The following SMARCA4 variants were observed in gnomAD, a reference collection of about 807,000 sequenced individuals.
SMARCA4 encodes the protein SWI/SNF related BAF chromatin remodeling complex subunit ATPase 4.
Under a neutral mutation model 193.9 loss-of-function variants are expected in SMARCA4, and 31 were observed. That is an observed-to-expected ratio of 0.16 (90% CI 0.12 to 0.22). The LOEUF is 0.22. Ranked by LOEUF, SMARCA4 falls within the 10% of genes least tolerant of loss-of-function variation. The pLI, the probability that SMARCA4 is intolerant of heterozygous loss-of-function variation, is 1.00. For missense variants in SMARCA4, 1,148 were observed against 2,296.0 expected (o/e 0.50, Z 10.22); for synonymous variants, 942 against 933.1 (o/e 1.01, Z -0.17).
intron 30 of SMARCA4, among the ~76,000 whole-genome samples, chr19:11,045,823 C>T (rs1045589930): frequency 2.6e-5 from 4 of 152,150 alleles, no homozygotes; most frequent in Admixed American, 2.0e-4. Context: ...GTGGCTCACG[C>T]CCATAATCCC....
rs2076649858 is a variant in SMARCA4 at position 11,058,154 on chromosome 19, G to A, written c.4425-101G>A. On this transcript the variant is annotated intron_variant, in intron 30 of 34. Coordinates refer to ENST00000344626, the MANE Select transcript of SMARCA4 (RefSeq NM_003072.5). This position sits in a 1 kb window ranked among gnomAD's most constrained non-coding sequence, Gnocchi z 5.8. Reference sequence around the variant, plus strand: ...CAAGAAATAGCTCCTGAGCTGAGTTGGAATTTCTCATCCTTAAACAATGTG... The same window carrying A: ...CAAGAAATAGCTCCTGAGCTGAGTTAGAATTTCTCATCCTTAAACAATGTG... 5 of 780,324 alleles carry A rather than the reference G, an allele frequency of 6.4e-6. No homozygotes were observed. The Admixed American group carries it at 9.0e-5, about 14-fold the overall frequency. 48.3% of individuals were successfully genotyped at this position (780,324 alleles called of 1,614,324 possible).
At chr19:11,005,191 C>T (rs2088079099) in intron 13 of SMARCA4, among the ~76,000 whole-genome samples, 1 of 151,778 alleles carries the variant, frequency 6.6e-6, no homozygotes, top group Non-Finnish European at 1.5e-5. Context: ...TTTAGCTACC[C>T]TGGAGTCTGA....
intron 16 of SMARCA4, chr19:11,016,014 A>C (rs1166836435): frequency 6.6e-6 from 1 of 152,030 alleles, no homozygotes; most frequent in Non-Finnish European, 1.5e-5. Flanking sequence ...GCCTTCTCAA[A>C]AAAAAAAAGA....
chr19:11,058,792 G>T lies in SMARCA4; in HGVS notation c.4538G>T (p.Arg1513Leu). ...KPVDFKKIKE[R>L]IRNHKYRSLN... ...TGCTCCTCCCGTCCACTGCAGGAGC[G>T]CATTCGCAACCACAAGTACCGCAGC... is the stretch of plus-strand genomic sequence containing the variant. The change falls in exon 32 of 35, where the codon CGC (arginine) becomes CTC (leucine). Residue 1513 changes from arginine to leucine, a missense_variant. This residue lies in a region of SMARCA4 where 141 missense variants were observed against 193.0 expected (regional missense o/e 0.73). Transcript: ENST00000344626. This position sits in a 1 kb window ranked among gnomAD's most constrained non-coding sequence, Gnocchi z 5.8. 1 of 1,613,804 alleles carries T rather than the reference G, an allele frequency of 6.2e-7. No homozygotes were observed. The highest frequency in any genetic ancestry group is 8.5e-7 in the Non-Finnish European group (1 of 1,179,798).
intron 8 of SMARCA4, among the ~76,000 whole-genome samples, chr19:10,991,546 G>A (rs1434292112): frequency 2.6e-5 from 4 of 152,246 alleles, no homozygotes; most frequent in African/African-American, 9.6e-5. Context: ...TCTGGAAGGT[G>A]ATAGGGCACA....
rs878854196 is a variant in SMARCA4 at position 10,987,830 on chromosome 19, A to G, written c.1024A>G (p.Met342Val). The G allele has an allele frequency of 5.6e-6, 9 of 1,609,648 alleles. No individual in the cohort carries two copies. Among genetic ancestry groups the G allele is most frequent in the African/African-American group, 1.3e-5 (1 of 74,622 alleles). ...SPGQPAQPAPMVPLHQKQSRI... is the reference protein window; with the variant it reads ...SPGQPAQPAPVVPLHQKQSRI... ...CGGGCAGCCGGCCCAGCCCGCGCCC[A>G]TGGTGCCACTGCACCAGAAGCAGAG... The change falls in exon 6 of 35, where the codon ATG (methionine) becomes GTG (valine). Residue 342 changes from methionine to valine, a missense_variant. Physicochemically the swap from Met to Val is conservative, Grantham distance 21. Around this residue, in one of 17 missense-constraint regions of SMARCA4, gnomAD observed 257 missense variants for 276.5 expected, o/e 0.93. Transcript: ENST00000344626. This position sits in a 1 kb window ranked among gnomAD's most constrained non-coding sequence, Gnocchi z 5.3.
chr19:11,029,799 T>G (rs2090515182), intron 24 of SMARCA4, among the ~76,000 whole-genome samples: 1 of 152,068 alleles, frequency 6.6e-6, no homozygotes, highest in African/African-American at 2.4e-5. Flanking sequence ...TCATCCTCCC[T>G]GGTATCTGGG....
At chr19:11,003,429 T>TCAGTGCC in intron 13 of SMARCA4, 32 bp downstream of exon 13, 1 of 1,590,994 alleles carries the variant, frequency 6.3e-7, no homozygotes, top group South Asian at 1.1e-5. Context: ...TTCAAGGCTC[T>TCAGTGCC]CAGTGCCCAC....
chr19:11,039,746 A>G (rs2075476784), intron 29 of SMARCA4: 1 of 389,640 alleles, frequency 2.6e-6, no homozygotes, highest in East Asian at 3.9e-5. Flanking sequence ...CCCAGGAGTT[A>G]AAGTCCAACC....
chr19:10,975,437 G>A (rs1158974425), intron 1 of SMARCA4, among the ~76,000 whole-genome samples: 1 of 150,576 alleles, frequency 6.6e-6, no homozygotes, highest in Non-Finnish European at 1.5e-5. Flanking sequence ...TCAGCTTCCC[G>A]AATAGCTGGG....
At position 11,041,161 on chromosome 19, in the gene SMARCA4, G is replaced by GT. The variant is rs1455528406; in HGVS notation, c.4171-144dup. The GT allele has an allele frequency of 9.1e-5, 75 of 823,646 alleles. No homozygotes were observed. Among genetic ancestry groups the GT allele is most frequent in the Non-Finnish European group, 1.4e-4 (71 of 516,716 alleles). The allele number at this position is 823,646 out of a possible 1,614,324, so 51.0% of individuals were successfully genotyped here. A position where few individuals can be genotyped will look rare whatever the true frequency, so the allele number is the denominator to read the frequency against. ...GCACCCCTTGAGAGTCCCAGTGTGTGTTATGCCCCGAGCCAGTCAAGCTGA... is the reference window on the plus strand; with the variant it reads ...GCACCCCTTGAGAGTCCCAGTGTGTGTTTATGCCCCGAGCCAGTCAAGCTGA... On this transcript the variant is annotated intron_variant, in intron 29 of 34. Transcript: ENST00000344626. The surrounding 1 kb of genome is among the most constrained non-coding windows in gnomAD (Gnocchi z 5.6).
At chr19:11,022,322 C>T (rs2089936792) in intron 19 of SMARCA4, among the ~76,000 whole-genome samples, 1 of 152,192 alleles carries the variant, frequency 6.6e-6, no homozygotes, top group Admixed American at 6.5e-5. Flanking sequence ...CCTTTAGGTG[C>T]CCTCAGAACT....
chr19:11,004,302 T>G (rs1600143101), intron 13 of SMARCA4, among the ~76,000 whole-genome samples: 1 of 149,188 alleles, frequency 6.7e-6, no homozygotes, highest in African/African-American at 2.5e-5. Context: ...CAGGATGGAG[T>G]GCAGTGGCGC....
Position 10,987,448 on chromosome 19 carries a change from G to T in SMARCA4, c.860-218G>T, listed in dbSNP as rs1420484377. Among the ~76,000 whole-genome samples the T allele has an allele frequency of 2.0e-5, 3 of 152,208 alleles. No individual in the cohort carries two copies. Among genetic ancestry groups the T allele is most frequent in the Non-Finnish European group, 4.4e-5 (3 of 68,026 alleles). On this transcript the variant is annotated intron_variant, in intron 5 of 34. Coordinates refer to ENST00000344626, the MANE Select transcript of SMARCA4 (RefSeq NM_003072.5). This position sits in a 1 kb window ranked among gnomAD's most constrained non-coding sequence, Gnocchi z 5.3. ...AACAAAAAGGCCTTGGGAGCCTGGG[G>T]CTGGCCCCAGTGGAGGGTGTGAAGG...
chr19:10,971,094 G>A (rs539008381), intron 1 of SMARCA4, among the ~76,000 whole-genome samples: 2 of 152,278 alleles, frequency 1.3e-5, no homozygotes, highest in South Asian at 4.1e-4. Context: ...TACTTGAGAG[G>A]CTGAGGCAGG....
intron 7 of SMARCA4, 141 bp from the exon 8 acceptor site, chr19:10,991,008 TC>T (rs1309379706): frequency 7.3e-7 from 1 of 1,373,234 alleles, no homozygotes; most frequent in African/African-American, 1.4e-5. Flanking sequence ...CTGCTAGACG[TC>T]CCCTGCACAC....
intron 29 of SMARCA4, among the ~76,000 whole-genome samples, chr19:11,036,936 C>T (rs60768408): frequency 0.07 from 10,667 of 152,204 alleles, 616 homozygotes; most frequent in East Asian, 0.33. Flanking sequence ...CGCAATGTAA[C>T]ATGCTGACCC....
intron 21 of SMARCA4, 66 bp downstream of exon 21, chr19:11,024,504 G>A (rs2090110402): frequency 6.9e-6 from 7 of 1,016,112 alleles, no homozygotes; most frequent in Non-Finnish European, 9.3e-6. Flanking sequence ...GTGGCAGGCA[G>A]AGCAGAGCGT....
At chr19:10,996,438 G>T (rs546903052) in intron 10 of SMARCA4, 56 bp from the exon 11 acceptor site, 4 of 1,613,530 alleles carry the variant, frequency 2.5e-6, no homozygotes, top group Non-Finnish European at 3.4e-6. Flanking sequence ...CCGTCTTCAC[G>T]TGTGTGGCCT....
Sources: allele counts gnomAD v4.1 joint callset (sites outside exome capture counted in the v4.1 genomes callset), GRCh38; gene constraint gnomAD v4.1.1; regional missense constraint gnomAD v4.1.1; non-coding constraint Gnocchi (gnomAD v3.1); transcripts MANE v1.5; gene names NCBI Gene and HGNC (gene_info 2026-07-23, HGNC 2026-07-21).